Variants in KIF1A observed in about 807,000 individuals in gnomAD.
The protein encoded by KIF1A is kinesin-like protein KIF1A.
In KIF1A, 46 loss-of-function variants were observed where a neutral mutation model predicts 227.3. That is an observed-to-expected ratio of 0.20 (90% CI 0.16 to 0.26). The LOEUF is 0.26. Ranked by LOEUF, KIF1A falls within the 10% of genes least tolerant of loss-of-function variation. KIF1A has a pLI of 1.00. For synonymous variants in KIF1A, 1,022 were observed against 1,012.8 expected (o/e 1.01, Z -0.17); for missense variants, 1,683 against 2,485.9 (o/e 0.68, Z 6.87).
chr2:240,735,866 G>A (rs572636160), intron 38 of KIF1A, among the ~76,000 whole-genome samples: 148 of 150,602 alleles, frequency 9.8e-4, no homozygotes, highest in African/African-American at 3.4e-3. Context: ...AACACCCCCC[G>A]GATTCTCCAC....
At chr2:240,810,466 A>C (rs2057776677) in intron 1 of KIF1A, among the ~76,000 whole-genome samples, 1 of 152,218 alleles carries the variant, frequency 6.6e-6, no homozygotes, top group African/African-American at 2.4e-5. Context: ...TTTACAGCTC[A>C]CCTTGGGAGT....
chr2:240,817,545 A>C lies in KIF1A; in HGVS notation c.-61+2577T>G, dbSNP rs569851727. ...CCTCCCAGCTCACTGATAGATGTGC[A>C]CGGATGGTCTCAGGCCTGACGGGAT... On this transcript the variant is annotated intron_variant, in intron 1 of 48. Transcript: ENST00000498729. Among the ~76,000 whole-genome samples, 3 of 152,302 alleles carry C rather than the reference A, an allele frequency of 2.0e-5. No homozygotes were observed. In the East Asian group the frequency reaches 5.8e-4, roughly 29 times the overall value.
intron 38 of KIF1A, among the ~76,000 whole-genome samples, chr2:240,731,618 C>G (rs577424723): frequency 6.6e-6 from 1 of 152,184 alleles, no homozygotes; most frequent in Non-Finnish European, 1.5e-5. Context: ...GTCAGGGGCT[C>G]GGCCCTGACC....
intron 10 of KIF1A, among the ~76,000 whole-genome samples, chr2:240,777,773 G>C (rs528606668): frequency 1.3e-5 from 2 of 152,310 alleles, no homozygotes; most frequent in South Asian, 4.1e-4. Flanking sequence ...ATCCTCAGAC[G>C]GGCCCGGCTC....
chr2:240,722,125 G>A (rs2045470742), intron 43 of KIF1A, among the ~76,000 whole-genome samples: 1 of 152,228 alleles, frequency 6.6e-6, no homozygotes, highest in East Asian at 1.9e-4. Context: ...GCTGCCTCCA[G>A]TGCAGGAGGC....
At position 240,766,749 on chromosome 2, in the gene KIF1A, T is replaced by TCTCTCTCTCTCACACACACACACACA. The variant is rs1454271542; in HGVS notation, c.1684+165_1684+166insTGTGTGTGTGTGTGTGAGAGAGAGAG. ...CTCTCTCTCTCTCTCTCTCTCTCTC[T>TCTCTCTCTCTCACACACACACACACA]CACACACACACACACACACACACAC... On this transcript the variant is annotated intron_variant, in intron 19 of 48. Coordinates refer to ENST00000498729, the MANE Select transcript of KIF1A (RefSeq NM_001244008.2). The surrounding 1 kb of genome is among the most constrained non-coding windows in gnomAD (Gnocchi z 5.0). Among the ~76,000 whole-genome samples the TCTCTCTCTCTCACACACACACACACA allele has an allele frequency of 9.2e-6, 1 of 108,974 alleles. No individual in the cohort carries two copies. Among genetic ancestry groups the TCTCTCTCTCTCACACACACACACACA allele is most frequent in the African/African-American group, 4.1e-5 (1 of 24,112 alleles). 71.5% of individuals were successfully genotyped at this position (108,974 alleles called of 152,430 possible). A position where few individuals can be genotyped will look rare whatever the true frequency, so the allele number is the denominator to read the frequency against.
chr2:240,803,141 T>A (rs2057110416), intron 1 of KIF1A, among the ~76,000 whole-genome samples: 1 of 152,170 alleles, frequency 6.6e-6, no homozygotes, highest in South Asian at 2.1e-4. Context: ...ATACAATTTT[T>A]AAAAACCCAT....
rs115956358 is a variant in KIF1A at position 240,778,841 on chromosome 2, C to A, written c.883-2915G>T. On this transcript the variant is annotated intron_variant, in intron 10 of 48. Coordinates refer to ENST00000498729, the MANE Select transcript of KIF1A (RefSeq NM_001244008.2). This position sits in a 1 kb window ranked among gnomAD's most constrained non-coding sequence, Gnocchi z 7.2. ...AGCTCCTCCCGCCATGGCTCACACA[C>A]TTCCTCACACGTTCCTCACACAACC... 6.6e-6 allele frequency among the ~76,000 whole-genome samples: 1 copy of A among 152,058 alleles called. No homozygotes were observed. Among genetic ancestry groups the A allele is most frequent in the Non-Finnish European group, 1.5e-5 (1 of 68,010 alleles).
rs865914335 is a variant in KIF1A, at chr2:240,806,811, C to G, written c.-60-8999G>C. ...GAAATTGATCCAATAGTTTAAAAAT[C>G]TACCCACAAAAAAAGGCAGCAGATT... On this transcript the variant is annotated intron_variant, in intron 1 of 48. Transcript: ENST00000498729. Among the ~76,000 whole-genome samples, 53 of 152,186 alleles carry G rather than the reference C, an allele frequency of 3.5e-4. No homozygotes were observed. The Middle Eastern group carries it at 0.017, about 49-fold the overall frequency.
At chr2:240,773,000 C>T in intron 13 of KIF1A, 114 bp downstream of exon 13, 1 of 1,182,504 alleles carries the variant, frequency 8.5e-7, no homozygotes, top group East Asian at 2.6e-5. Context: ...CTGCCACAGC[C>T]CAGGGTGCAG....
At chr2:240,745,349 G>A in intron 32 of KIF1A, 78 bp downstream of exon 32, 1 of 1,122,984 alleles carries the variant, frequency 8.9e-7, no homozygotes, top group Non-Finnish European at 1.3e-6. Flanking sequence ...TTCAGAAGAG[G>A]GAGAATGAGC....
intron 10 of KIF1A, among the ~76,000 whole-genome samples, chr2:240,777,917 CACAG>C (rs568584927): frequency 2.1e-3 from 319 of 152,356 alleles, no homozygotes; most frequent in African/African-American, 7.5e-3. Flanking sequence ...CAGTCCCTCA[CACAG>C]ACAGTCACGC....
intron 1 of KIF1A, among the ~76,000 whole-genome samples, chr2:240,805,128 GCGGAGGGAGA>G (rs2057308284): frequency 1.4e-5 from 1 of 73,550 alleles, no homozygotes; most frequent in Non-Finnish European, 2.6e-5. Flanking sequence ...GGGAGGGAGG[GCGGAGGGAGA>G]GGGGAGTGGG....
chr2:240,764,902 C>G (rs530103170), intron 20 of KIF1A, among the ~76,000 whole-genome samples: 49 of 150,880 alleles, frequency 3.2e-4, no homozygotes, highest in Non-Finnish European at 5.6e-4. Context: ...CACCCTGCCC[C>G]GAGTTCCCAG....
chr2:240,820,601 C>T (rs1032255896), upstream of KIF1A, among the ~76,000 whole-genome samples: 20 of 151,178 alleles, frequency 1.3e-4, no homozygotes, highest in Non-Finnish European at 4.4e-5. The surrounding 1 kb of genome is among the most constrained non-coding windows in gnomAD (Gnocchi z 6.2). Flanking sequence ...CCCACCCTGG[C>T]CCCTTTCGAG....
intron 38 of KIF1A, among the ~76,000 whole-genome samples, chr2:240,732,685 AC>A (rs1230991400): frequency 1.1e-5 from 1 of 94,018 alleles, no homozygotes; most frequent in Non-Finnish European, 2.0e-5. Flanking sequence ...GGGGTGAGGG[AC>A]GACAGGGTGA....
chr2:240,750,323 C>T (rs183577817), intron 28 of KIF1A, 106 bp downstream of exon 28: 13 of 768,014 alleles, frequency 1.7e-5, no homozygotes, highest in Middle Eastern at 2.7e-4. Flanking sequence ...CCACTAACCA[C>T]TACATGATGC....
intron 1 of KIF1A, among the ~76,000 whole-genome samples, chr2:240,812,674 G>T (rs1196101395): frequency 1.3e-5 from 2 of 150,210 alleles, no homozygotes; most frequent in African/African-American, 2.4e-5. Flanking sequence ...TCACCTCAGG[G>T]ATCAGCCTTC....
chr2:240,770,718 C>T (rs1038188792), intron 15 of KIF1A, among the ~76,000 whole-genome samples: 2 of 152,220 alleles, frequency 1.3e-5, no homozygotes, highest in Non-Finnish European at 2.9e-5. Flanking sequence ...GGCGCATTTC[C>T]TGCCCAGCAG....
Sources: gnomAD v4.1 joint callset for allele counts (sites outside exome capture counted in the v4.1 genomes callset) on GRCh38, gnomAD v4.1.1 for gene constraint, Gnocchi (gnomAD v3.1) non-coding constraint, MANE v1.5 for transcripts, NCBI Gene and HGNC (gene_info 2026-07-23, HGNC 2026-07-21) for gene names.